The following COL26A1 variants were observed in gnomAD, a reference collection of about 807,000 sequenced individuals.
COL26A1 encodes collagen type XXVI alpha 1 chain, also known as collagen alpha-1(XXVI) chain.
A neutral mutation model predicts 59.3 loss-of-function variants in COL26A1; 41 were observed. The ratio of observed to expected loss-of-function variants is 0.69; its 90% CI spans 0.54 to 0.90. The LOEUF is 0.90. Among genes scored for constraint, COL26A1 ranks in the 40% least tolerant of loss-of-function variants. The pLI, the probability that COL26A1 is intolerant of heterozygous loss-of-function variation, is 0.00. For missense variants in COL26A1, 612 were observed against 602.3 expected, an observed-to-expected ratio of 1.02 and a Z score of -0.17; for synonymous variants, 266 against 256.0, an observed-to-expected ratio of 1.04 and a Z score of -0.37.
intron 2 of COL26A1, among the ~76,000 whole-genome samples, chr7:101,446,932 C>T (rs2130375940): frequency 6.6e-6 from 1 of 151,706 alleles, no homozygotes. Flanking sequence ...TTTTATCACT[C>T]AAATCAGTCT....
At chr7:101,552,351 G>A (rs936641159) in intron 10 of COL26A1, among the ~76,000 whole-genome samples, 2 of 152,176 alleles carry the variant, frequency 1.3e-5, no homozygotes, top group Admixed American at 1.3e-4. Context: ...GCTCATACCT[G>A]TAACCCCAGT....
chr7:101,540,481 T>G (rs1418885023), intron 5 of COL26A1, among the ~76,000 whole-genome samples: 3 of 147,148 alleles, frequency 2.0e-5, no homozygotes, highest in Non-Finnish European at 3.0e-5. Flanking sequence ...GAGGTTGCAG[T>G]GAGCCGAGAT....
intron 4 of COL26A1, among the ~76,000 whole-genome samples, chr7:101,535,066 G>A (rs1173484004): frequency 2.0e-5 from 3 of 152,244 alleles, no homozygotes; most frequent in African/African-American, 7.2e-5. Flanking sequence ...GCATGCATTC[G>A]CGGCTTCCCT....
intron 1 of COL26A1, among the ~76,000 whole-genome samples, chr7:101,386,035 C>T (rs1026180342): frequency 2.0e-5 from 3 of 152,124 alleles, no homozygotes; most frequent in African/African-American, 7.2e-5. Context: ...TTGGTTATAC[C>T]TCAGAGAAAT....
rs906870603 is a variant in COL26A1 at position 101,441,525 on chromosome 7, C to A, written c.282-6159C>A. On this transcript the variant is annotated intron_variant, in intron 2 of 12. Coordinates refer to ENST00000313669, the MANE Select transcript of COL26A1 (RefSeq NM_001278563.3). ...TAGAGATGGGGTTTCACCATGTTGG[C>A]CAGGCTGGTCTCGAACTCCTGGCCT... Among the ~76,000 whole-genome samples, 3 of 152,202 alleles carry A rather than the reference C, an allele frequency of 2.0e-5. No homozygotes were observed. The East Asian group carries it at 5.8e-4, about 29-fold the overall frequency.
At chr7:101,366,800 C>A (rs1461603957) in intron 1 of COL26A1, among the ~76,000 whole-genome samples, 1 of 152,000 alleles carries the variant, frequency 6.6e-6, no homozygotes, top group African/African-American at 2.4e-5. Flanking sequence ...TGTGCCTGGC[C>A]AAAAAGCAGT....
intron 3 of COL26A1, among the ~76,000 whole-genome samples, chr7:101,520,341 G>A (rs1415014962): frequency 6.6e-6 from 1 of 152,138 alleles, no homozygotes; most frequent in Non-Finnish European, 1.5e-5. Context: ...GACCCTCCCA[G>A]CCTCCTGATA....
rs116987550 is a variant in COL26A1, at chr7:101,365,748, C to T, written c.158+2558C>T. Among the ~76,000 whole-genome samples the T allele has an allele frequency of 8.3e-3, 1,259 of 150,784 alleles. 38 individuals carry two copies. In the East Asian group the frequency reaches 0.099, roughly 12 times the overall value. On this transcript the variant is annotated intron_variant, in intron 1 of 12. Transcript: ENST00000313669. The stretch of plus-strand genomic sequence containing the variant: ...CCCTAAGAGAACCTACTGGCCGGTA[C>T]GGGGATTGAATGGATGTTTTGCAAG...
intron 3 of COL26A1, among the ~76,000 whole-genome samples, chr7:101,466,603 T>A (rs918158052): frequency 1.3e-5 from 2 of 152,076 alleles, no homozygotes; most frequent in African/African-American, 4.8e-5. Context: ...AGTGGGAGAA[T>A]CGCTTGAGCC....
rs573921657 is a variant in COL26A1 at position 101,496,617 on chromosome 7, CA to C, written c.386-36464del. 1.4e-4 allele frequency among the ~76,000 whole-genome samples: 22 copies of C among 152,238 alleles called. No individual in the cohort carries two copies. The South Asian group carries it at 4.4e-3, about 30-fold the overall frequency. ...TAGACCCCAAGAGAGGGTTCTTGGACAGGGGCGGTGGCTCACCCCTGTAATT... is the reference window on the plus strand; with the variant it reads ...TAGACCCCAAGAGAGGGTTCTTGGACGGGGCGGTGGCTCACCCCTGTAATT... On this transcript the variant is annotated intron_variant, in intron 3 of 12. Coordinates refer to ENST00000313669, the MANE Select transcript of COL26A1 (RefSeq NM_001278563.3).
intron 3 of COL26A1, among the ~76,000 whole-genome samples, chr7:101,473,608 C>CCACA (rs150820078): frequency 0.035 from 4,963 of 143,300 alleles, 80 homozygotes; most frequent in African/African-American, 0.042. Flanking sequence ...CACCTTGTCT[C>CCACA]CACACACACA....
intron 3 of COL26A1, among the ~76,000 whole-genome samples, chr7:101,449,368 A>G (rs1475393745): frequency 6.6e-6 from 1 of 152,240 alleles, no homozygotes; most frequent in Non-Finnish European, 1.5e-5. Flanking sequence ...GGGATGGAGC[A>G]GGCCTGCCAT....
At chr7:101,400,382 G>A (rs1014402381) in intron 1 of COL26A1, among the ~76,000 whole-genome samples, 7 of 76,988 alleles carry the variant, frequency 9.1e-5, no homozygotes, top group African/African-American at 2.8e-4. Flanking sequence ...TTTTTTTTGA[G>A]ATGGAGTCTC....
At position 101,363,162 on chromosome 7, in the gene COL26A1, T is replaced by TC; in HGVS notation, c.134dup (p.Gly46TrpfsTer82). 1 of 1,293,236 alleles carries TC rather than the reference T, an allele frequency of 7.7e-7. No homozygotes were observed. The highest frequency in any genetic ancestry group is 9.9e-7 in the Non-Finnish European group (1 of 1,006,666). 80.1% of individuals were successfully genotyped at this position (1,293,236 alleles called of 1,614,324 possible). On this transcript the variant is annotated frameshift_variant, in exon 1 of 13. Transcript: ENST00000313669. LOFTEE classifies it high-confidence loss of function. Reference sequence around the variant, plus strand: ...CGGCTACCCCGAGCCCGGCGCCGGCTCCCCTGGCAGCGGCTACGCGAGCCG... The same window carrying TC: ...CGGCTACCCCGAGCCCGGCGCCGGCTCCCCCTGGCAGCGGCTACGCGAGCCG...
intron 1 of COL26A1, among the ~76,000 whole-genome samples, chr7:101,385,975 T>C (rs1401802677): frequency 6.6e-6 from 1 of 152,080 alleles, no homozygotes; most frequent in Non-Finnish European, 1.5e-5. Context: ...CCTCCCAAAG[T>C]GTTGGGATTA....
intron 2 of COL26A1, among the ~76,000 whole-genome samples, chr7:101,421,858 T>C (rs9649224): frequency 0.44 from 66,811 of 151,948 alleles, 16,541 homozygotes; most frequent in Admixed American, 0.57. Context: ...CAGTTAATGC[T>C]ATGGTGTTTG....
chr7:101,429,589 C>CTTTTTTTTTTTTTTTTT (rs58432413), intron 2 of COL26A1, among the ~76,000 whole-genome samples: 22 of 78,696 alleles, frequency 2.8e-4, no homozygotes, highest in African/African-American at 9.3e-4. Flanking sequence ...TTCTTTTTTA[C>CTTTTTTTTTTTTTTTTT]TTTTTTTTTT....
At chr7:101,468,394 A>T (rs1164101098) in intron 3 of COL26A1, among the ~76,000 whole-genome samples, 3 of 152,176 alleles carry the variant, frequency 2.0e-5, no homozygotes, top group Admixed American at 1.3e-4. Context: ...TATCTGCCTA[A>T]AGAATTTCTT....
chr7:101,512,821 C>A (rs1361840650), intron 3 of COL26A1, among the ~76,000 whole-genome samples: 1 of 132,906 alleles, frequency 7.5e-6, no homozygotes, highest in Non-Finnish European at 1.7e-5. Context: ...TGTAATCCAC[C>A]TCATTCACAG....
Sources: allele counts gnomAD v4.1 joint callset (sites outside exome capture counted in the v4.1 genomes callset), GRCh38; gene constraint gnomAD v4.1.1; transcripts MANE v1.5; gene names NCBI Gene and HGNC (gene_info 2026-07-23, HGNC 2026-07-21).